The following SGSM2 variants were observed in gnomAD, a reference collection of about 807,000 sequenced individuals.
The protein encoded by SGSM2 is small G protein signaling modulator 2, also known as RUN and TBC1 domain containing 1.
In SGSM2, 89 loss-of-function variants were observed where a neutral mutation model predicts 126.6. That is an observed-to-expected ratio of 0.70 (90% CI 0.59 to 0.84). The LOEUF is 0.84. Among genes scored for constraint, SGSM2 ranks in the 40% least tolerant of loss-of-function variants. SGSM2 has a pLI of 0.00. For synonymous variants in SGSM2, 614 were observed against 574.3 expected (o/e 1.07, Z -0.99); for missense variants, 1,404 against 1,416.6 (o/e 0.99, Z 0.14).
chr17:2,339,107 T>C (rs1271058179), intron 1 of SGSM2, among the ~76,000 whole-genome samples: 2 of 148,322 alleles, frequency 1.3e-5, no homozygotes, highest in East Asian at 2.1e-4. Context: ...AGTTTCAGGG[T>C]TGGGGAAGCG....
chr17:2,352,656 G>A (rs946889803), intron 2 of SGSM2, among the ~76,000 whole-genome samples: 1 of 151,926 alleles, frequency 6.6e-6, no homozygotes, highest in African/African-American at 2.4e-5. Flanking sequence ...AGCTTTCAAC[G>A]TAGATATATA....
chr17:2,365,217 G>A lies in SGSM2; in HGVS notation c.1164G>A (p.Gly388=). The change falls in exon 11 of 24, where the codon GGG becomes GGA. Residue 388 remains glycine, a splice_region_variant and synonymous_variant. Transcript: ENST00000268989. ...ACCACCTACCCCTCCTTCCACAGGGGAAAGTGTTCCCCAAGCTACGGAAAC... is the reference window on the plus strand; with the variant it reads ...ACCACCTACCCCTCCTTCCACAGGGAAAAGTGTTCCCCAAGCTACGGAAAC... ...EPPLWTQQGK[G]KVFPKLRKRS... 1.9e-6 allele frequency: 3 copies of A among 1,611,204 alleles called. No homozygotes were observed. Among genetic ancestry groups the A allele is most frequent in the South Asian group, 1.1e-5 (1 of 90,688 alleles).
chr17:2,338,939 A>C (rs1261208488), intron 1 of SGSM2, among the ~76,000 whole-genome samples: 3 of 151,604 alleles, frequency 2.0e-5, no homozygotes, highest in Non-Finnish European at 4.4e-5. Flanking sequence ...CGTGCCTGTA[A>C]TCCCAGCTAC....
At chr17:2,360,574 A>G (rs114240060) in intron 2 of SGSM2, among the ~76,000 whole-genome samples, 233 of 152,314 alleles carry the variant, frequency 1.5e-3, no homozygotes, top group African/African-American at 5.1e-3. Context: ...CAGACCCCGC[A>G]TGGGTGATTT....
intron 11 of SGSM2, among the ~76,000 whole-genome samples, chr17:2,365,637 T>C (rs941252986): frequency 6.6e-6 from 1 of 151,876 alleles, no homozygotes; most frequent in Non-Finnish European, 1.5e-5. Flanking sequence ...TGTCCAGGGG[T>C]AAAACACGTG....
rs1476960101 is a variant in SGSM2 at position 2,362,456 on chromosome 17, C to T, written c.458+186C>T. Among the ~76,000 whole-genome samples the T allele has an allele frequency of 1.3e-5, 2 of 149,196 alleles. No individual in the cohort carries two copies. Among genetic ancestry groups the T allele is most frequent in the East Asian group, 2.0e-4 (1 of 5,050 alleles). ...TCCCAAAAACTGCAGGTGACCGCCC[C>T]GTTCCCCAAAAACTGCAGGTGACCG... On this transcript the variant is annotated intron_variant, in intron 4 of 23. Transcript: ENST00000268989. This position sits in a 1 kb window ranked among gnomAD's most constrained non-coding sequence, Gnocchi z 4.9.
chr17:2,373,059 T>C lies in SGSM2; in HGVS notation c.1895T>C (p.Met632Thr). Reference protein sequence around the residue: ...PFLLGHYKFGMSKKEMEQVDA... With the variant: ...PFLLGHYKFGTSKKEMEQVDA... ...CTGCTTGGCCACTACAAGTTCGGCA[T>C]GAGCAAGAAGGAGATGGAGCAGGTG... The change falls in exon 16 of 24, where the codon ATG (methionine) becomes ACG (threonine). Residue 632 changes from methionine to threonine, a missense_variant. Met to Thr is a moderately conservative substitution (Grantham distance 81, BLOSUM62 -1). Transcript: ENST00000268989. 6.2e-7 allele frequency: 1 copy of C among 1,609,722 alleles called. No homozygotes were observed. Among genetic ancestry groups the C allele is most frequent in the Non-Finnish European group, 8.5e-7 (1 of 1,178,880 alleles).
At chr17:2,364,210 G>A (rs2065453344) in intron 8 of SGSM2, 27 bp downstream of exon 8, 6 of 1,612,994 alleles carry the variant, frequency 3.7e-6, no homozygotes, top group Non-Finnish European at 5.1e-6. Flanking sequence ...TCAATCCCAG[G>A]AGCCAGGGCA....
rs751564372 is a variant in SGSM2 at position 2,363,160 on chromosome 17, G to A, written c.672+26G>A. On this transcript the variant is annotated intron_variant, in intron 6 of 23. Coordinates refer to ENST00000268989, the MANE Select transcript of SGSM2 (RefSeq NM_014853.3). The surrounding 1 kb of genome is among the most constrained non-coding windows in gnomAD (Gnocchi z 4.2). ...GTAGGTGCCCCCTCCCCACCCTTTGGGCTCATCTGGGCTATGCCCATGGGC... is the reference window on the plus strand; with the variant it reads ...GTAGGTGCCCCCTCCCCACCCTTTGAGCTCATCTGGGCTATGCCCATGGGC... 4 of 1,565,738 alleles carry A rather than the reference G, an allele frequency of 2.6e-6. No homozygotes were observed. The South Asian group carries it at 3.5e-5, about 14-fold the overall frequency.
chr17:2,358,946 C>A (rs1437481814), intron 2 of SGSM2, among the ~76,000 whole-genome samples: 1 of 147,846 alleles, frequency 6.8e-6, no homozygotes, highest in South Asian at 2.2e-4. Context: ...GGCGCCATCT[C>A]GGCTCACTGC....
intron 2 of SGSM2, among the ~76,000 whole-genome samples, chr17:2,347,577 G>A (rs1362773992): frequency 1.3e-5 from 2 of 150,812 alleles, no homozygotes; most frequent in Non-Finnish European, 2.9e-5. Flanking sequence ...ACTTACTGTT[G>A]AATTAAAGTA....
chr17:2,378,987 CCA>C (rs2066303372), intron 22 of SGSM2, 47 bp from the exon 23 acceptor site: 1 of 1,575,196 alleles, frequency 6.3e-7, no homozygotes. Flanking sequence ...AGCCTCAGCC[CCA>C]GATATGCGGC....
In SGSM2 at chr17:2,362,124, C is replaced by T. The variant is rs950953644; in HGVS notation, c.312C>T (p.Val104=). The change falls in exon 4 of 24, where the codon GTC becomes GTT. Residue 104 remains valine (V), a synonymous_variant. Transcript: ENST00000268989. This position sits in a 1 kb window ranked among gnomAD's most constrained non-coding sequence, Gnocchi z 4.9. ...QQAEGRKPSG[V]SQEALRRQGS... is the part of the protein sequence containing the mutation. Reference sequence around the variant, plus strand: ...GCCTTTGCAGGAAACCCTCAGGGGTCAGCCAGGAGGCCCTGCGGAGACAGG... The same window carrying T: ...GCCTTTGCAGGAAACCCTCAGGGGTTAGCCAGGAGGCCCTGCGGAGACAGG... The T allele has an allele frequency of 1.2e-6, 2 of 1,612,640 alleles. No individual in the cohort carries two copies. The highest frequency in any genetic ancestry group is 1.7e-5 in the Admixed American group (1 of 59,758).
intron 12 of SGSM2, among the ~76,000 whole-genome samples, chr17:2,368,037 C>G (rs1458805161): frequency 6.6e-6 from 1 of 152,186 alleles, no homozygotes; most frequent in Non-Finnish European, 1.5e-5. Flanking sequence ...ACATGAACTC[C>G]CGCCCCAGAT....
intron 2 of SGSM2, among the ~76,000 whole-genome samples, chr17:2,352,488 C>T (rs2064898108): frequency 6.6e-6 from 1 of 152,162 alleles, no homozygotes; most frequent in Non-Finnish European, 1.5e-5. Flanking sequence ...ACTTGCTGTC[C>T]TCCCATTCCC....
chr17:2,357,116 C>A (rs911522867), intron 2 of SGSM2, among the ~76,000 whole-genome samples: 1 of 152,068 alleles, frequency 6.6e-6, no homozygotes, highest in South Asian at 2.1e-4. Context: ...GAGGTCACAT[C>A]GGGGCTGGTG....
At chr17:2,378,533 A>T (rs974583094) in intron 22 of SGSM2, among the ~76,000 whole-genome samples, 1 of 150,782 alleles carries the variant, frequency 6.6e-6, no homozygotes, top group Admixed American at 6.6e-5. Context: ...TGTGTCTCAA[A>T]AAAAAAAAAA....
At position 2,363,323 on chromosome 17, in the gene SGSM2, G is replaced by C. The variant is rs2065405081; in HGVS notation, c.673-142G>C. ...GAGCCCATGCTGGTCCGTGGCTGGA[G>C]AGCAGAGGGTGGCTGGGAGTAAACC... On this transcript the variant is annotated intron_variant, in intron 6 of 23. Transcript: ENST00000268989. This position sits in a 1 kb window ranked among gnomAD's most constrained non-coding sequence, Gnocchi z 4.2. 7.1e-7 allele frequency: 1 copy of C among 1,414,438 alleles called. No homozygotes were observed. The highest frequency in any genetic ancestry group is 2.3e-5 in the Admixed American group (1 of 44,236). The allele number at this position is 1,414,438 out of a possible 1,614,324, so 87.6% of individuals were successfully genotyped here. A position where few individuals can be genotyped will look rare whatever the true frequency, so the allele number is the denominator to read the frequency against.
Position 2,379,917 on chromosome 17 carries a change from G to A in SGSM2, c.*397G>A. 2 of 1,302,748 alleles carry A rather than the reference G, an allele frequency of 1.5e-6. No individual in the cohort carries two copies. Among genetic ancestry groups the A allele is most frequent in the African/African-American group, 1.5e-5 (1 of 67,852 alleles). The allele number at this position is 1,302,748 out of a possible 1,614,324, so 80.7% of individuals were successfully genotyped here. ...GCCCTACTCAGCTGGGGTGGCAGAGGGCGAGAGGCTCTGTGCTGTGTCCCT... is the reference window on the plus strand; with the variant it reads ...GCCCTACTCAGCTGGGGTGGCAGAGAGCGAGAGGCTCTGTGCTGTGTCCCT... On this transcript the variant is annotated 3_prime_UTR_variant, in exon 24 of 24. Transcript: ENST00000268989.
Sources: gnomAD v4.1 joint callset for allele counts (sites outside exome capture counted in the v4.1 genomes callset) on GRCh38, gnomAD v4.1.1 for gene constraint, Gnocchi (gnomAD v3.1) non-coding constraint, MANE v1.5 for transcripts, NCBI Gene and HGNC (gene_info 2026-07-23, HGNC 2026-07-21) for gene names.